DLGAP4: variants seen among roughly 807,000 people sequenced by gnomAD.
The protein encoded by DLGAP4 is DLG associated protein 4, also known as disks large-associated protein 4.
Under a neutral mutation model 86.9 loss-of-function variants are expected in DLGAP4, and 18 were observed. The observed-to-expected ratio is 0.21, with a 90% confidence interval of 0.14 to 0.31. The LOEUF is 0.31. Ranked by LOEUF, DLGAP4 falls within the 10% of genes least tolerant of loss-of-function variation. The probability of loss-of-function intolerance (pLI) is 1.00; values close to 1 mark genes in which losing one functional copy is unlikely to be tolerated. For synonymous variants in DLGAP4, 548 were observed against 574.3 expected (o/e 0.95, Z 0.65); for missense variants, 1,085 against 1,362.6 (o/e 0.80, Z 3.21).
chr20:36,461,662 C>CCGCCCG (rs778649892), intron 7 of DLGAP4: 2,804 of 241,754 alleles, frequency 0.012, 231 homozygotes, highest in African/African-American at 0.018. Context: ...GGGGCCGCCC[C>CCGCCCG]GCCCGGCCCG....
Position 36,417,362 on chromosome 20 carries a change from GTTTTGTTTTTGT to G in DLGAP4, c.-72-14261_-72-14250del, listed in dbSNP as rs150421933. 1.7e-4 allele frequency among the ~76,000 whole-genome samples: 25 copies of G among 149,512 alleles called. 1 individual carries two copies. The highest frequency in any genetic ancestry group is 8.1e-4 in the East Asian group (4 of 4,952). On this transcript the variant is annotated intron_variant, in intron 2 of 12. Coordinates refer to ENST00000339266, the MANE Select transcript of DLGAP4 (RefSeq NM_001365621.2). ...GTGGGCTGAGCAGGCTGGAGTTTGA[GTTTTGTTTTTGT>G]TTTTGTTTTTGTTTTTGTTTTTTCT...
intron 2 of DLGAP4, among the ~76,000 whole-genome samples, chr20:36,405,346 A>G (rs545243938): frequency 1.3e-5 from 2 of 152,330 alleles, no homozygotes; most frequent in African/African-American, 2.4e-5. Context: ...CTAGCAGCCA[A>G]CTGTCTCAAG....
At chr20:36,525,508 T>G in intron 11 of DLGAP4, 1 of 336,764 alleles carries the variant, frequency 3.0e-6, no homozygotes, top group Non-Finnish European at 5.6e-6. Context: ...CACCTGGGAG[T>G]GAATCGGGCT....
At chr20:36,337,543 C>T (rs1355827300) in intron 1 of DLGAP4, among the ~76,000 whole-genome samples, 1 of 151,922 alleles carries the variant, frequency 6.6e-6, no homozygotes, top group Non-Finnish European at 1.5e-5. Flanking sequence ...GTGCTGTGGG[C>T]TCTGGAGGGT....
chr20:36,309,519 T>C (rs1257864768), intron 1 of DLGAP4, among the ~76,000 whole-genome samples: 1 of 152,208 alleles, frequency 6.6e-6, no homozygotes, highest in Admixed American at 6.5e-5. Flanking sequence ...TGGGTCTGCA[T>C]ACCCAGAGGC....
intron 1 of DLGAP4, among the ~76,000 whole-genome samples, chr20:36,346,803 A>G (rs2029956142): frequency 6.6e-6 from 1 of 152,006 alleles, no homozygotes; most frequent in Admixed American, 6.6e-5. Context: ...AAACTCATGC[A>G]TACCCTGACC....
chr20:36,428,924 T>C (rs1333013238), intron 2 of DLGAP4, among the ~76,000 whole-genome samples: 1 of 151,818 alleles, frequency 6.6e-6, no homozygotes, highest in African/African-American at 2.4e-5. Context: ...CCTCCCAAAG[T>C]GCTGGGATTA....
At chr20:36,388,040 G>A (rs528295906) in intron 2 of DLGAP4, among the ~76,000 whole-genome samples, 56 of 152,308 alleles carry the variant, frequency 3.7e-4, no homozygotes, top group African/African-American at 1.2e-3. Flanking sequence ...CCCTGAGTGA[G>A]TGTTATGAAG....
rs184559553 is a variant in DLGAP4 at position 36,388,417 on chromosome 20, G to T, written c.-73+21142G>T. Among the ~76,000 whole-genome samples the T allele has an allele frequency of 4.6e-5, 7 of 152,216 alleles. No individual in the cohort carries two copies. The East Asian group carries it at 1.2e-3, about 25-fold the overall frequency. On this transcript the variant is annotated intron_variant, in intron 2 of 12. Coordinates refer to ENST00000339266, the MANE Select transcript of DLGAP4 (RefSeq NM_001365621.2). ...TCCCACTTCCTCCCCAGCTCCTGGAGCCCCCAGAACACACGTCCCTCCCCC... is the reference window on the plus strand; with the variant it reads ...TCCCACTTCCTCCCCAGCTCCTGGATCCCCCAGAACACACGTCCCTCCCCC...
rs1185974235 is a variant in DLGAP4, at chr20:36,316,076, G to A, written c.-304+9564G>A. Among the ~76,000 whole-genome samples, 3 of 152,210 alleles carry A rather than the reference G, an allele frequency of 2.0e-5. No individual in the cohort carries two copies. In the East Asian group the frequency reaches 5.8e-4, roughly 29 times the overall value. On this transcript the variant is annotated intron_variant, in intron 1 of 12. Transcript: ENST00000339266. ...CTGAGCCCTTGAGATGCGTCTGGGG[G>A]ATCAATCACAAAGCGGAAGGTGGGC...
chr20:36,325,347 A>C (rs2065205851), intron 1 of DLGAP4, among the ~76,000 whole-genome samples: 1 of 152,170 alleles, frequency 6.6e-6, no homozygotes, highest in African/African-American at 2.4e-5. Context: ...AATCTTCTAA[A>C]ATGTATTGAG....
intron 7 of DLGAP4, among the ~76,000 whole-genome samples, chr20:36,474,289 G>A (rs1457807778): frequency 1.3e-5 from 2 of 152,204 alleles, no homozygotes; most frequent in Non-Finnish European, 2.9e-5. Flanking sequence ...ATGGGGAAAG[G>A]TGGCCTGGGT....
chr20:36,467,068 C>T (rs997096313), intron 7 of DLGAP4, among the ~76,000 whole-genome samples: 4 of 137,630 alleles, frequency 2.9e-5, no homozygotes, highest in Admixed American at 2.3e-4. Context: ...CTCTCTCCCC[C>T]CCCCTTCTCT....
At chr20:36,479,916 TGG>T (rs922751630) in intron 7 of DLGAP4, among the ~76,000 whole-genome samples, 9 of 152,068 alleles carry the variant, frequency 5.9e-5, no homozygotes, top group African/African-American at 1.9e-4. Flanking sequence ...ATGGAGGGCC[TGG>T]GATTGGGCAG....
chr20:36,518,640 T>C (rs1156495019), intron 10 of DLGAP4, among the ~76,000 whole-genome samples: 2 of 152,178 alleles, frequency 1.3e-5, no homozygotes, highest in Non-Finnish European at 2.9e-5. Flanking sequence ...AGTTTATTAG[T>C]TATGTTTTCA....
chr20:36,479,476 G>A (rs1312773336), intron 7 of DLGAP4, among the ~76,000 whole-genome samples: 2 of 152,170 alleles, frequency 1.3e-5, no homozygotes, highest in Non-Finnish European at 1.5e-5. Flanking sequence ...TAAAAATAGT[G>A]TGGTGGGCAA....
intron 1 of DLGAP4, among the ~76,000 whole-genome samples, chr20:36,354,994 A>G (rs1235718283): frequency 6.6e-6 from 1 of 152,140 alleles, no homozygotes; most frequent in Non-Finnish European, 1.5e-5. Flanking sequence ...CAAAACAAGC[A>G]ACTTTATGGA....
chr20:36,502,094 C>A (rs2036169269), intron 10 of DLGAP4, among the ~76,000 whole-genome samples: 1 of 152,144 alleles, frequency 6.6e-6, no homozygotes, highest in Non-Finnish European at 1.5e-5. Context: ...CTATTAATTT[C>A]CTGTTACCAT....
chr20:36,439,878 G>A lies in DLGAP4; in HGVS notation c.1356+10G>A. The A allele has an allele frequency of 6.2e-7, 1 of 1,610,096 alleles. No homozygotes were observed. Among genetic ancestry groups the A allele is most frequent in the East Asian group, 2.2e-5 (1 of 44,774 alleles). On this transcript the variant is annotated intron_variant, in intron 5 of 12. Coordinates refer to ENST00000339266, the MANE Select transcript of DLGAP4 (RefSeq NM_001365621.2). ...CAGCTGCATCAGCCAGGTGAGGGTGGCAGGGAGGCTGGAGAGTCAGGGGGC... is the reference window on the plus strand; with the variant it reads ...CAGCTGCATCAGCCAGGTGAGGGTGACAGGGAGGCTGGAGAGTCAGGGGGC...
Sources: allele counts gnomAD v4.1 joint callset (sites outside exome capture counted in the v4.1 genomes callset), GRCh38; gene constraint gnomAD v4.1.1; transcripts MANE v1.5; gene names NCBI Gene and HGNC (gene_info 2026-07-23, HGNC 2026-07-21).